NUBPL: variants seen among roughly 807,000 people sequenced by gnomAD.
NUBPL encodes iron-sulfur cluster transfer protein NUBPL.
NUBPL carries 31 observed loss-of-function variants against 45.7 expected under a neutral mutation model. That is an observed-to-expected ratio of 0.68 (90% confidence interval 0.51 to 0.92). The LOEUF (loss-of-function observed/expected upper bound fraction) is 0.92. Ranked by LOEUF, NUBPL falls within the 40% of genes least tolerant of loss-of-function variation. The pLI, the probability that NUBPL is intolerant of heterozygous loss-of-function variation, is 0.00. For missense variants in NUBPL, 401 were observed against 398.7 expected (o/e 1.01, Z -0.05); for synonymous variants, 144 against 140.9 (o/e 1.02, Z -0.15).
At chr14:31,615,903 A>G (rs1252483440) in intron 4 of NUBPL, among the ~76,000 whole-genome samples, 1 of 151,850 alleles carries the variant, frequency 6.6e-6, no homozygotes, top group Non-Finnish European at 1.5e-5. Flanking sequence ...ACTAATTTAC[A>G]CTCCTAGCAA....
intron 1 of NUBPL, 98 bp from the exon 2 acceptor site, chr14:31,561,970 C>T: frequency 3.4e-6 from 4 of 1,163,712 alleles, no homozygotes; most frequent in Non-Finnish European, 5.0e-6. Context: ...GAAAAGAAAG[C>T]CCTCTTAATT....
chr14:31,562,270 T>A, intron 2 of NUBPL, 55 bp downstream of exon 2: 2 of 1,447,546 alleles, frequency 1.4e-6, no homozygotes, highest in South Asian at 2.4e-5. Context: ...AACAGACAAG[T>A]GCACACTATT....
intron 4 of NUBPL, among the ~76,000 whole-genome samples, chr14:31,639,174 G>A (rs181843125): frequency 5.9e-5 from 9 of 152,214 alleles, no homozygotes; most frequent in African/African-American, 1.9e-4. Context: ...GGTTTTTAGA[G>A]TTTCCAGTTT....
intron 4 of NUBPL, among the ~76,000 whole-genome samples, chr14:31,643,685 C>T (rs1004819681): frequency 2.0e-5 from 3 of 151,920 alleles, no homozygotes; most frequent in Non-Finnish European, 4.4e-5. Flanking sequence ...GAAGTATTCC[C>T]TCTTATTTAT....
chr14:31,841,072 A>C (rs986489887), intron 8 of NUBPL, among the ~76,000 whole-genome samples: 5 of 152,174 alleles, frequency 3.3e-5, no homozygotes, highest in African/African-American at 1.2e-4. Flanking sequence ...TAAATATATC[A>C]CAGTTTGTCC....
At chr14:31,640,947 T>G (rs1204306976) in intron 4 of NUBPL, among the ~76,000 whole-genome samples, 1 of 119,734 alleles carries the variant, frequency 8.4e-6, no homozygotes, top group Non-Finnish European at 2.1e-5. Flanking sequence ...TTCTTTTTGT[T>G]TTTTTGTTTT....
At chr14:31,633,093 C>A (rs868756418) in intron 4 of NUBPL, among the ~76,000 whole-genome samples, 1 of 152,176 alleles carries the variant, frequency 6.6e-6, no homozygotes, top group Non-Finnish European at 1.5e-5. Context: ...TAATTAGCAA[C>A]AAATTTGGAG....
chr14:31,674,424 C>G (rs2036644345), intron 6 of NUBPL, among the ~76,000 whole-genome samples: 1 of 152,168 alleles, frequency 6.6e-6, no homozygotes, highest in Non-Finnish European at 1.5e-5. Context: ...CTTTCTACCA[C>G]TTTTGCTGCT....
intron 6 of NUBPL, among the ~76,000 whole-genome samples, chr14:31,778,370 C>G (rs866108208): frequency 1.1e-4 from 16 of 152,062 alleles, no homozygotes; most frequent in Non-Finnish European, 1.8e-4. Context: ...TGGATGAATT[C>G]AGAACTCCAG....
At chr14:31,674,466 G>A (rs2139814135) in intron 6 of NUBPL, among the ~76,000 whole-genome samples, 1 of 151,940 alleles carries the variant, frequency 6.6e-6, no homozygotes, top group African/African-American at 2.4e-5. Context: ...TTTGATTTTT[G>A]GTCCTAGTCA....
chr14:31,638,570 G>T (rs2035579736), intron 4 of NUBPL, among the ~76,000 whole-genome samples: 2 of 151,812 alleles, frequency 1.3e-5, no homozygotes, highest in Non-Finnish European at 2.9e-5. Context: ...TTGTGTCTTG[G>T]AGTTGCTCTT....
At chr14:31,586,839 G>C (rs537031548) in intron 3 of NUBPL, among the ~76,000 whole-genome samples, 2 of 152,216 alleles carry the variant, frequency 1.3e-5, no homozygotes, top group African/African-American at 4.8e-5. Context: ...CAAAGGAAGA[G>C]ATAGGTTGAA....
chr14:31,771,903 G>C lies in NUBPL; in HGVS notation c.514-15877G>C, dbSNP rs1309225838. 1.5e-5 allele frequency: 15 copies of C among 984,728 alleles called. No homozygotes were observed. The East Asian group carries it at 1.7e-3, about 112-fold the overall frequency. 61.0% of individuals were successfully genotyped at this position (984,728 alleles called of 1,614,324 possible). On this transcript the variant is annotated intron_variant, in intron 6 of 10. Coordinates refer to ENST00000281081, the MANE Select transcript of NUBPL (RefSeq NM_025152.3). ...GTGGAACTGAGGAATAAACTTGGTT[G>C]GGATAGTTCTTCAGATCATCCCTAG...
chr14:31,757,938 C>T (rs1044313113), intron 6 of NUBPL, among the ~76,000 whole-genome samples: 1 of 151,690 alleles, frequency 6.6e-6, no homozygotes, highest in Non-Finnish European at 1.5e-5. Flanking sequence ...CACTTTAGGG[C>T]CCTTGAACTT....
chr14:31,782,163 G>A (rs1246521599), intron 6 of NUBPL, among the ~76,000 whole-genome samples: 3 of 152,024 alleles, frequency 2.0e-5, no homozygotes, highest in Non-Finnish European at 4.4e-5. Flanking sequence ...TTGGGAGGCC[G>A]AGGCAGGCAT....
At chr14:31,620,290 A>C (rs1272288374) in intron 4 of NUBPL, among the ~76,000 whole-genome samples, 1 of 151,970 alleles carries the variant, frequency 6.6e-6, no homozygotes, top group Non-Finnish European at 1.5e-5. Context: ...CAATTTGTCA[A>C]ACTCATTCTC....
chr14:31,728,339 A>T (rs898391132), intron 6 of NUBPL, among the ~76,000 whole-genome samples: 1 of 152,064 alleles, frequency 6.6e-6, no homozygotes, highest in Non-Finnish European at 1.5e-5. Context: ...TAAAATAGAG[A>T]CAAGATCTCG....
chr14:31,750,486 C>T (rs1352134087), intron 6 of NUBPL, among the ~76,000 whole-genome samples: 7 of 151,680 alleles, frequency 4.6e-5, no homozygotes, highest in African/African-American at 9.7e-5. Context: ...CGTGAGCCAC[C>T]GCGCCTGGCC....
At chr14:31,708,601 C>T (rs1375265032) in intron 6 of NUBPL, among the ~76,000 whole-genome samples, 1 of 152,172 alleles carries the variant, frequency 6.6e-6, no homozygotes, top group Admixed American at 6.5e-5. Context: ...CAGGCTGTCC[C>T]AGGATTCCTC....
Sources: gnomAD v4.1 joint callset for allele counts (sites outside exome capture counted in the v4.1 genomes callset) on GRCh38, gnomAD v4.1.1 for gene constraint, MANE v1.5 for transcripts, NCBI Gene and HGNC (gene_info 2026-07-23, HGNC 2026-07-21) for gene names.